Variants in TMEM132D observed in about 807,000 individuals in gnomAD.
TMEM132D encodes transmembrane protein 132D.
TMEM132D carries 21 observed loss-of-function variants against 62.3 expected under a neutral mutation model. The ratio of observed to expected loss-of-function variants is 0.34; its 90% CI spans 0.24 to 0.49. The LOEUF (loss-of-function observed/expected upper bound fraction) is 0.49, where lower values mean the gene tolerates loss of function less well. Ranked by LOEUF, TMEM132D falls within the 20% of genes least tolerant of loss-of-function variation. TMEM132D has a pLI of 0.99. For synonymous variants in TMEM132D, 621 were observed against 575.6 expected (o/e 1.08, Z -1.13); for missense variants, 1,346 against 1,402.8 (o/e 0.96, Z 0.65).
At chr12:129,764,269 T>C (rs1185425142) in intron 1 of TMEM132D, among the ~76,000 whole-genome samples, 1 of 152,208 alleles carries the variant, frequency 6.6e-6, no homozygotes, top group African/African-American at 2.4e-5. Flanking sequence ...TTTGTGTTGA[T>C]ACCCCTTCAG....
At chr12:129,273,916 G>GAA (rs557555848) in intron 4 of TMEM132D, among the ~76,000 whole-genome samples, 1 of 141,698 alleles carries the variant, frequency 7.1e-6, no homozygotes. Flanking sequence ...AACAAAAGTT[G>GAA]AAAAAAAAAA....
chr12:129,406,871 A>G lies in TMEM132D; in HGVS notation c.1116-69054T>C, dbSNP rs550520173. Among the ~76,000 whole-genome samples the G allele has an allele frequency of 5.9e-5, 9 of 152,342 alleles. No homozygotes were observed. In the South Asian group the frequency reaches 1.9e-3, roughly 32 times the overall value. ...GCAGAAGTATCCCTGGTTATGCACGAAACTGAAAGATTTTGTCTGCAGCCT... is the reference window on the plus strand; with the variant it reads ...GCAGAAGTATCCCTGGTTATGCACGGAACTGAAAGATTTTGTCTGCAGCCT... On this transcript the variant is annotated intron_variant, in intron 3 of 8. Coordinates refer to ENST00000422113, the MANE Select transcript of TMEM132D (RefSeq NM_133448.3).
At chr12:129,365,966 CGA>C (rs1870396693) in intron 3 of TMEM132D, among the ~76,000 whole-genome samples, 1 of 152,072 alleles carries the variant, frequency 6.6e-6, no homozygotes, top group African/African-American at 2.4e-5. Context: ...CCACACCTAC[CGA>C]GAGAGCAGTC....
intron 2 of TMEM132D, among the ~76,000 whole-genome samples, chr12:129,556,995 A>G (rs1245455571): frequency 6.6e-6 from 1 of 152,218 alleles, no homozygotes; most frequent in South Asian, 2.1e-4. Flanking sequence ...AACTATTGAC[A>G]TTTTAAAATT....
At chr12:129,745,705 G>A (rs1869754502) in intron 1 of TMEM132D, among the ~76,000 whole-genome samples, 1 of 152,172 alleles carries the variant, frequency 6.6e-6, no homozygotes, top group South Asian at 2.1e-4. Context: ...AATATCACCT[G>A]TTGTGTTCCT....
chr12:129,310,012 C>CA lies in TMEM132D; in HGVS notation c.1299+27621dup, dbSNP rs371393928. Among the ~76,000 whole-genome samples, 398 of 150,352 alleles carry CA rather than the reference C, an allele frequency of 2.6e-3. 1 individual carries two copies. The highest frequency in any genetic ancestry group is 8.5e-3 in the African/African-American group (350 of 40,994). On this transcript the variant is annotated intron_variant, in intron 4 of 8. Coordinates refer to ENST00000422113, the MANE Select transcript of TMEM132D (RefSeq NM_133448.3). Reference sequence around the variant, plus strand: ...GGAAGCCAGACTCCTAAGCATTTCCCAAAAAAAAAGTGCTACAGCCAGAAA... The same window carrying CA: ...GGAAGCCAGACTCCTAAGCATTTCCCAAAAAAAAAAGTGCTACAGCCAGAAA...
chr12:129,117,935 G>C (rs904797362), intron 5 of TMEM132D, among the ~76,000 whole-genome samples: 2 of 152,198 alleles, frequency 1.3e-5, no homozygotes, highest in Non-Finnish European at 2.9e-5. Context: ...AAGTTGAACA[G>C]CAGGAAGCAT....
At chr12:129,445,238 C>T (rs1422393914) in intron 3 of TMEM132D, among the ~76,000 whole-genome samples, 1 of 152,124 alleles carries the variant, frequency 6.6e-6, no homozygotes, top group East Asian at 1.9e-4. Flanking sequence ...CATATTCTCA[C>T]TTATAAGTGG....
intron 1 of TMEM132D, among the ~76,000 whole-genome samples, chr12:129,796,330 T>C (rs1044355592): frequency 3.9e-5 from 6 of 152,230 alleles, no homozygotes; most frequent in Non-Finnish European, 7.3e-5. Context: ...TTTTTGTTTT[T>C]ATTTTTTAAA....
At chr12:129,094,366 G>A (rs1159088609) in intron 5 of TMEM132D, among the ~76,000 whole-genome samples, 2 of 152,194 alleles carry the variant, frequency 1.3e-5, no homozygotes, top group African/African-American at 4.8e-5. Context: ...GAAAAAGTGG[G>A]CAAAGGATAT....
intron 1 of TMEM132D, among the ~76,000 whole-genome samples, chr12:129,786,252 G>A (rs1020212546): frequency 6.6e-5 from 10 of 152,052 alleles, no homozygotes; most frequent in African/African-American, 1.4e-4. Flanking sequence ...GCCCACATCC[G>A]ACCTGCCTAG....
At chr12:129,076,581 C>T (rs1483025749) in intron 8 of TMEM132D, among the ~76,000 whole-genome samples, 1 of 152,228 alleles carries the variant, frequency 6.6e-6, no homozygotes, top group African/African-American at 2.4e-5. Context: ...GCTTGGACTA[C>T]CTGCTAAGCG....
intron 3 of TMEM132D, among the ~76,000 whole-genome samples, chr12:129,339,108 T>C (rs1869384219): frequency 6.6e-6 from 1 of 152,082 alleles, no homozygotes; most frequent in African/African-American, 2.4e-5. Context: ...CTATCTCTAC[T>C]AATAATACAA....
chr12:129,800,256 T>C (rs1871721434), intron 1 of TMEM132D, among the ~76,000 whole-genome samples: 1 of 151,760 alleles, frequency 6.6e-6, no homozygotes, highest in Admixed American at 6.6e-5. Flanking sequence ...GAAGAGGAAA[T>C]GCATAGAGAA....
intron 5 of TMEM132D, among the ~76,000 whole-genome samples, chr12:129,117,576 T>C (rs1875932999): frequency 6.4e-5 from 1 of 15,628 alleles, no homozygotes. Context: ...ATCATGACCT[T>C]AAGAAATGGC....
At chr12:129,252,614 AT>A (rs1880298534) in intron 4 of TMEM132D, among the ~76,000 whole-genome samples, 1 of 152,222 alleles carries the variant, frequency 6.6e-6, no homozygotes, top group Admixed American at 6.5e-5. Flanking sequence ...TAGTTCGACC[AT>A]TGTGGAAGTC....
At chr12:129,797,695 G>T (rs1361565292) in intron 1 of TMEM132D, among the ~76,000 whole-genome samples, 1 of 152,224 alleles carries the variant, frequency 6.6e-6, no homozygotes, top group Non-Finnish European at 1.5e-5. Flanking sequence ...CATTGTGCCT[G>T]GGGGCTTCAT....
chr12:129,738,510 A>T (rs941961882), intron 1 of TMEM132D, among the ~76,000 whole-genome samples: 2 of 152,246 alleles, frequency 1.3e-5, no homozygotes, highest in African/African-American at 4.8e-5. Context: ...GACTGCAGAG[A>T]TGCAGAAAAG....
intron 5 of TMEM132D, among the ~76,000 whole-genome samples, chr12:129,097,487 A>G (rs1875153390): frequency 6.6e-6 from 1 of 152,244 alleles, no homozygotes; most frequent in Non-Finnish European, 1.5e-5. Flanking sequence ...AAACTTAGGA[A>G]TGAGTAACTC....
Sources: gnomAD v4.1 joint callset for allele counts (sites outside exome capture counted in the v4.1 genomes callset) on GRCh38, gnomAD v4.1.1 for gene constraint, MANE v1.5 for transcripts, NCBI Gene and HGNC (gene_info 2026-07-23, HGNC 2026-07-21) for gene names.